Variants in MTUS2 observed in about 807,000 individuals in gnomAD.
MTUS2 encodes microtubule-associated tumor suppressor candidate 2.
Under a neutral mutation model 114.1 loss-of-function variants are expected in MTUS2, and 40 were observed. The observed-to-expected ratio is 0.35, with a 90% CI of 0.27 to 0.46. The LOEUF (loss-of-function observed/expected upper bound fraction) is 0.46, where lower values mean the gene tolerates loss of function less well. MTUS2 is among the 20% of genes least tolerant of loss of function. MTUS2 has a pLI of 1.00. For synonymous variants in MTUS2, 688 were observed against 672.0 expected, an observed-to-expected ratio of 1.02 and a Z score of -0.37; for missense variants, 1,679 against 1,705.4, an observed-to-expected ratio of 0.98 and a Z score of 0.27.
intron 5 of MTUS2, among the ~76,000 whole-genome samples, chr13:29,204,607 C>T (rs143485967): frequency 1.4e-4 from 22 of 152,304 alleles, no homozygotes; most frequent in African/African-American, 4.6e-4. Context: ...AACCTGGGAG[C>T]GGAGGATGGG....
chr13:29,315,392 G>A (rs1045447524), intron 6 of MTUS2, among the ~76,000 whole-genome samples: 14 of 152,140 alleles, frequency 9.2e-5, no homozygotes, highest in African/African-American at 2.4e-4. Context: ...TTTGATCACC[G>A]CATATTGTTT....
intron 5 of MTUS2, among the ~76,000 whole-genome samples, chr13:29,152,422 A>G (rs958629359): frequency 6.6e-6 from 1 of 152,154 alleles, no homozygotes; most frequent in African/African-American, 2.4e-5. Context: ...ACTTAGAGGG[A>G]TAAAACAGCA....
intron 5 of MTUS2, among the ~76,000 whole-genome samples, chr13:29,136,546 G>A (rs1891985629): frequency 6.6e-6 from 1 of 152,128 alleles, no homozygotes; most frequent in East Asian, 1.9e-4. Context: ...GATCACCAGT[G>A]ACTAATGATT....
At position 29,237,953 on chromosome 13, in the gene MTUS2, C is replaced by T. The variant is rs375447645; in HGVS notation, c.2645-43751C>T. Among the ~76,000 whole-genome samples the T allele has an allele frequency of 4.4e-4, 67 of 152,160 alleles. 1 individual carries two copies. In the South Asian group the frequency reaches 7.7e-3, roughly 17 times the overall value. ...AAAAAAAAGAAAAAAAGAAAAGAAA[C>T]ATGTATACTGTTGGTTGGGATATGA... is the stretch of plus-strand genomic sequence containing the variant. On this transcript the variant is annotated intron_variant, in intron 5 of 15. Coordinates refer to ENST00000612955, the MANE Select transcript of MTUS2 (RefSeq NM_001033602.4).
chr13:29,324,917 C>G (rs1900417750), intron 7 of MTUS2, among the ~76,000 whole-genome samples: 1 of 152,206 alleles, frequency 6.6e-6, no homozygotes, highest in Admixed American at 6.5e-5. Flanking sequence ...AGATGTTATG[C>G]TATGTTTCAG....
At chr13:29,153,930 A>G (rs1892759523) in intron 5 of MTUS2, among the ~76,000 whole-genome samples, 1 of 152,172 alleles carries the variant, frequency 6.6e-6, no homozygotes, top group African/African-American at 2.4e-5. Context: ...GTTGCTCAGT[A>G]AGGAAGTTTT....
intron 11 of MTUS2, among the ~76,000 whole-genome samples, chr13:29,488,642 A>G (rs573514050): frequency 4.6e-5 from 7 of 152,092 alleles, no homozygotes; most frequent in Admixed American, 3.9e-4. Context: ...ATTGCCTTAT[A>G]AAAACAAATG....
chr13:28,896,958 A>G (rs1879311486), intron 2 of MTUS2, among the ~76,000 whole-genome samples: 1 of 152,200 alleles, frequency 6.6e-6, no homozygotes, highest in Admixed American at 6.5e-5. Flanking sequence ...CCTAGAAGAA[A>G]ACCTAGGCAT....
At chr13:29,327,550 T>C (rs554183423) in intron 7 of MTUS2, among the ~76,000 whole-genome samples, 107 of 152,244 alleles carry the variant, frequency 7.0e-4, no homozygotes, top group Non-Finnish European at 1.3e-3. Flanking sequence ...GATTCATCCA[T>C]CTGGTAATAA....
intron 5 of MTUS2, among the ~76,000 whole-genome samples, chr13:29,199,214 T>C (rs1255295147): frequency 6.6e-6 from 1 of 152,198 alleles, no homozygotes; most frequent in Non-Finnish European, 1.5e-5. Flanking sequence ...TGCAGTAACC[T>C]TCCAATACTA....
intron 4 of MTUS2, among the ~76,000 whole-genome samples, chr13:29,095,286 C>G (rs539063836): frequency 2.9e-4 from 44 of 152,078 alleles, no homozygotes; most frequent in Non-Finnish European, 5.4e-4. Context: ...TTTATTTCTC[C>G]TGTCAATTCT....
chr13:29,471,920 C>T (rs537658372), intron 9 of MTUS2, among the ~76,000 whole-genome samples: 7 of 152,316 alleles, frequency 4.6e-5, no homozygotes, highest in East Asian at 3.9e-4. Flanking sequence ...ATTTTCACAG[C>T]GCCAGCTCCC....
rs1360324866 is a variant in MTUS2, at chr13:28,994,871, G to A, written c.-242-29586G>A. Among the ~76,000 whole-genome samples, 7 of 152,096 alleles carry A rather than the reference G, an allele frequency of 4.6e-5. No individual in the cohort carries two copies. In the South Asian group the frequency reaches 6.2e-4, roughly 14 times the overall value. On this transcript the variant is annotated intron_variant, in intron 2 of 15. Transcript: ENST00000612955. ...TAGATTGCCTGTTCACTCTGATGGTGGTTTCTTTTGCTGTGCAGAAGCTCT... is the reference window on the plus strand; with the variant it reads ...TAGATTGCCTGTTCACTCTGATGGTAGTTTCTTTTGCTGTGCAGAAGCTCT...
At chr13:29,297,697 C>G (rs1899009934) in intron 6 of MTUS2, among the ~76,000 whole-genome samples, 1 of 152,182 alleles carries the variant, frequency 6.6e-6, no homozygotes, top group South Asian at 2.1e-4. Flanking sequence ...TTACACTTGT[C>G]CCTCTTAGGG....
chr13:28,892,914 G>A (rs1466895909), intron 2 of MTUS2, among the ~76,000 whole-genome samples: 1 of 152,178 alleles, frequency 6.6e-6, no homozygotes, highest in African/African-American at 2.4e-5. Context: ...GAAGACCAAA[G>A]AAGTCTTCAT....
intron 2 of MTUS2, among the ~76,000 whole-genome samples, chr13:28,983,883 C>A (rs558946878): frequency 3.5e-4 from 54 of 152,346 alleles, no homozygotes; most frequent in African/African-American, 1.1e-3. Context: ...CACAGCTTAC[C>A]GCAGGAAGGA....
chr13:29,184,747 A>G (rs1894150460), intron 5 of MTUS2, among the ~76,000 whole-genome samples: 1 of 152,250 alleles, frequency 6.6e-6, no homozygotes, highest in African/African-American at 2.4e-5. Context: ...TCACTGAACA[A>G]ACGGACGACA....
chr13:29,148,517 C>T (rs1205939216), intron 5 of MTUS2, among the ~76,000 whole-genome samples: 2 of 95,450 alleles, frequency 2.1e-5, no homozygotes, highest in Non-Finnish European at 4.4e-5. Context: ...CTCGCTCTGT[C>T]GCCCAGGCTG....
chr13:28,875,170 A>T (rs2138115511), intron 2 of MTUS2, among the ~76,000 whole-genome samples: 1 of 152,362 alleles, frequency 6.6e-6, no homozygotes, highest in Non-Finnish European at 1.5e-5. Flanking sequence ...CCAAACTTAG[A>T]TAAAGCACCA....
Sources: gnomAD v4.1 joint callset for allele counts (sites outside exome capture counted in the v4.1 genomes callset) on GRCh38, gnomAD v4.1.1 for gene constraint, MANE v1.5 for transcripts, NCBI Gene and HGNC (gene_info 2026-07-23, HGNC 2026-07-21) for gene names.